The following COL4A3 variants were observed in gnomAD, a reference collection of about 807,000 sequenced individuals.
COL4A3 encodes collagen alpha-3(IV) chain.
COL4A3 carries 135 observed loss-of-function variants against 217.4 expected under a neutral mutation model. The ratio of observed to expected loss-of-function variants is 0.62; its 90% CI spans 0.54 to 0.72. The LOEUF (loss-of-function observed/expected upper bound fraction) is 0.72, where lower values mean the gene tolerates loss of function less well. Ranked by LOEUF, COL4A3 falls within the 30% of genes least tolerant of loss-of-function variation. The pLI, the probability that COL4A3 is intolerant of heterozygous loss-of-function variation, is 0.00. For missense variants in COL4A3, 1,868 were observed against 2,119.9 expected (o/e 0.88, Z 2.33); for synonymous variants, 690 against 736.3 (o/e 0.94, Z 1.02).
rs1395413699 is a variant in COL4A3, at chr2:227,309,083, A to G, written c.4640+7A>G. ...TTGAGCCTTATATAAGCAGGTAAAA[A>G]TCCAATCCCCTAGTTTTACAATGGG... On this transcript the variant is annotated splice_region_variant and intron_variant, in intron 49 of 51. Coordinates refer to ENST00000396578, the MANE Select transcript of COL4A3 (RefSeq NM_000091.5). 4.3e-6 allele frequency: 7 copies of G among 1,614,164 alleles called. No individual in the cohort carries two copies. In the South Asian group the frequency reaches 7.7e-5, roughly 18 times the overall value.
At chr2:227,211,217 T>A (rs2067308925) in intron 1 of COL4A3, among the ~76,000 whole-genome samples, 1 of 152,186 alleles carries the variant, frequency 6.6e-6, no homozygotes, top group Admixed American at 6.5e-5. Context: ...GCCAGGATGG[T>A]CTTGATCTCT....
In COL4A3 at chr2:227,253,630, A is replaced by AACAGAAC. The variant is rs777158194; in HGVS notation, c.758_764dup (p.Asp256GlnfsTer33). ...TATTGTGACCCTAACTGGCCCAGATAACAGAACGGTAACTCTGCGATTTTA... is the reference window on the plus strand; with the variant it reads ...TATTGTGACCCTAACTGGCCCAGATAACAGAACACAGAACGGTAACTCTGCGATTTTA... On this transcript the variant is annotated frameshift_variant, in exon 13 of 52. Transcript: ENST00000396578. LOFTEE classifies it high-confidence loss of function. This position sits in a 1 kb window ranked among gnomAD's most constrained non-coding sequence, Gnocchi z 4.4. 29 of 1,613,880 alleles carry AACAGAAC rather than the reference A, an allele frequency of 1.8e-5. No homozygotes were observed. The highest frequency in any genetic ancestry group is 2.5e-5 in the Non-Finnish European group (29 of 1,179,786).
In COL4A3 at chr2:227,279,874, G is replaced by A. The variant is rs773317939; in HGVS notation, c.2207G>A (p.Gly736Asp). The A allele has an allele frequency of 1.9e-6, 3 of 1,606,730 alleles. No individual in the cohort carries two copies. Among genetic ancestry groups the A allele is most frequent in the Non-Finnish European group, 2.5e-6 (3 of 1,176,494 alleles). The change falls in exon 29 of 52, where the codon GGC becomes GAC. Residue 736 changes from glycine to aspartate, a missense_variant. Physicochemically the swap from Gly to Asp is moderately conservative, Grantham distance 94. Transcript: ENST00000396578. ...MGEPGLPGKP[G>D]LPGAKGEPAV... Reference sequence around the variant, plus strand: ...GAGCCTGGGTTACCTGGAAAGCCAGGCCTCCCAGGAGCCAAGGTATGCAAA... The same window carrying A: ...GAGCCTGGGTTACCTGGAAAGCCAGACCTCCCAGGAGCCAAGGTATGCAAA...
At chr2:227,311,000 A>T in intron 51 of COL4A3, 52 bp downstream of exon 51, 2 of 1,602,674 alleles carry the variant, frequency 1.2e-6, no homozygotes, top group Non-Finnish European at 1.7e-6. Flanking sequence ...AGAACTATTC[A>T]AAGGTTGCCT....
chr2:227,180,523 A>G lies in COL4A3; in HGVS notation c.87+15710A>G, dbSNP rs529379743. Among the ~76,000 whole-genome samples the G allele has an allele frequency of 2.4e-4, 37 of 152,316 alleles. No homozygotes were observed. In the South Asian group the frequency reaches 7.7e-3, roughly 32 times the overall value. On this transcript the variant is annotated intron_variant, in intron 1 of 51. Coordinates refer to ENST00000396578, the MANE Select transcript of COL4A3 (RefSeq NM_000091.5). ...CAAGGGCAGTCATGCAGGCAAGGAC[A>G]TCTGAGGCACCCTGGGATCTAAAAG...
chr2:227,246,694 G>A lies in COL4A3; in HGVS notation c.397G>A (p.Gly133Arg), dbSNP rs1490478725. Reference protein sequence around the residue: ...PGCSGSKGEQGFPGLPGTLGY... With the variant: ...PGCSGSKGEQRFPGLPGTLGY... The stretch of plus-strand genomic sequence containing the variant: ...TTTGTATGTCTTTTAGGGTGAGCAG[G>A]GGTTTCCAGGACTCCCAGGGACACT... Residue 133 changes from glycine (G) to arginine (R), a missense_variant, in exon 7 of 52, where the codon GGG becomes AGG. Gly to Arg is a moderately radical substitution (Grantham distance 125, BLOSUM62 -2). This residue lies in a region of COL4A3 where 365 missense variants were observed against 333.8 expected (regional missense o/e 1.09). Transcript: ENST00000396578. 6.2e-7 allele frequency: 1 copy of A among 1,611,986 alleles called. No homozygotes were observed. Among genetic ancestry groups the A allele is most frequent in the Non-Finnish European group, 8.5e-7 (1 of 1,178,388 alleles).
At position 227,307,937 on chromosome 2, in the gene COL4A3, G is replaced by T. The variant is rs760422101; in HGVS notation, c.4462+18G>T. ...AGACCTTGGTAATGTCCCAGTCCCA[G>T]TTGCCAGTTGTGCTGTTCCACATGC... is the stretch of plus-strand genomic sequence containing the variant. On this transcript the variant is annotated intron_variant, in intron 48 of 51. Coordinates refer to ENST00000396578, the MANE Select transcript of COL4A3 (RefSeq NM_000091.5). The T allele has an allele frequency of 6.2e-7, 1 of 1,608,298 alleles. No homozygotes were observed. The highest frequency in any genetic ancestry group is 8.5e-7 in the Non-Finnish European group (1 of 1,175,172).
chr2:227,291,220 G>A (rs904153195), intron 37 of COL4A3, among the ~76,000 whole-genome samples: 1 of 152,122 alleles, frequency 6.6e-6, no homozygotes, highest in Non-Finnish European at 1.5e-5. Flanking sequence ...GCCCATTTCT[G>A]CTGTACTCAT....
At chr2:227,210,348 T>C (rs561934965) in intron 1 of COL4A3, among the ~76,000 whole-genome samples, 1 of 152,310 alleles carries the variant, frequency 6.6e-6, no homozygotes, top group East Asian at 1.9e-4. Flanking sequence ...CCCAGCACTT[T>C]GGGATGCCAA....
At chr2:227,303,760 A>G (rs994944929) in intron 44 of COL4A3, 99 bp from the exon 45 acceptor site, 4 of 1,158,144 alleles carry the variant, frequency 3.5e-6, no homozygotes, top group Admixed American at 1.8e-5. Context: ...GCCTCCAGGC[A>G]CACTTCTAGT....
chr2:227,253,712 T>C lies in COL4A3; in HGVS notation c.765+74T>C. 3 of 1,243,136 alleles carry C rather than the reference T, an allele frequency of 2.4e-6. 1 individual carries two copies. Among genetic ancestry groups the C allele is most frequent in the Admixed American group, 3.4e-5 (2 of 59,524 alleles). 77.0% of individuals were successfully genotyped at this position (1,243,136 alleles called of 1,614,324 possible). A position where few individuals can be genotyped will look rare whatever the true frequency, so the allele number is the denominator to read the frequency against. On this transcript the variant is annotated intron_variant, in intron 13 of 51. Transcript: ENST00000396578. The surrounding 1 kb of genome is among the most constrained non-coding windows in gnomAD (Gnocchi z 4.4). ...TGAAGTCCTTGTGACCCTGCACCTC[T>C]TTTACAAGCTCTTGTTATCTAAGTC...
chr2:227,270,107 TTAAA>T (rs2071151838), intron 24 of COL4A3, 127 bp downstream of exon 24: 2 of 710,504 alleles, frequency 2.8e-6, no homozygotes, highest in Non-Finnish European at 5.1e-6. Context: ...TACCTGTTGA[TTAAA>T]TGAATAAATC....
At chr2:227,187,401 G>A (rs1222973266) in intron 1 of COL4A3, among the ~76,000 whole-genome samples, 1 of 152,160 alleles carries the variant, frequency 6.6e-6, no homozygotes, top group East Asian at 1.9e-4. Flanking sequence ...GTGTGATCAT[G>A]GCAGGGGAGA....
intron 1 of COL4A3, among the ~76,000 whole-genome samples, chr2:227,225,612 T>C (rs1463750841): frequency 1.3e-5 from 2 of 150,954 alleles, no homozygotes; most frequent in African/African-American, 4.9e-5. Context: ...CCAAAGCAAG[T>C]GAGAAAAATA....
chr2:227,277,377 A>C (rs1279532530), intron 27 of COL4A3, 72 bp from the exon 28 acceptor site: 6 of 941,644 alleles, frequency 6.4e-6, no homozygotes, highest in Non-Finnish European at 1.0e-5. Context: ...CAGAGAACTT[A>C]GACATTTTCT....
At chr2:227,177,498 T>C (rs1208100783) in intron 1 of COL4A3, among the ~76,000 whole-genome samples, 3 of 152,108 alleles carry the variant, frequency 2.0e-5, no homozygotes, top group South Asian at 2.1e-4. Flanking sequence ...GAGAACTTTA[T>C]TGTAGATTGG....
intron 37 of COL4A3, 82 bp downstream of exon 37, chr2:227,290,968 T>C (rs973379437): frequency 2.0e-6 from 3 of 1,487,784 alleles, no homozygotes; most frequent in Non-Finnish European, 2.7e-6. Context: ...AGATTCGGTG[T>C]GGGCAGAGAA....
chr2:227,287,001 G>A (rs1436497689), intron 34 of COL4A3, among the ~76,000 whole-genome samples: 1 of 152,164 alleles, frequency 6.6e-6, no homozygotes, highest in Non-Finnish European at 1.5e-5. Flanking sequence ...TGAAAGTTAC[G>A]GTTTAGTGGG....
intron 1 of COL4A3, among the ~76,000 whole-genome samples, chr2:227,213,914 A>AAAAAAGAAAAAGAAAAAG (rs1324956107): frequency 6.8e-6 from 1 of 146,172 alleles, no homozygotes; most frequent in African/African-American, 2.6e-5. Context: ...AAAAAAAAAA[A>AAAAAAGAAAAAGAAAAAG]AAAAAGAAAA....
Sources: allele counts gnomAD v4.1 joint callset (sites outside exome capture counted in the v4.1 genomes callset), GRCh38; gene constraint gnomAD v4.1.1; regional missense constraint gnomAD v4.1.1; non-coding constraint Gnocchi (gnomAD v3.1); transcripts MANE v1.5; gene names NCBI Gene and HGNC (gene_info 2026-07-23, HGNC 2026-07-21).